TANGO6: variants seen among roughly 807,000 people sequenced by gnomAD.
The protein encoded by TANGO6 is transport and Golgi organization protein 6 homolog.
Under a neutral mutation model 114.2 loss-of-function variants are expected in TANGO6, and 90 were observed. The ratio of observed to expected loss-of-function variants is 0.79; its 90% CI spans 0.66 to 0.94. The LOEUF (loss-of-function observed/expected upper bound fraction) is 0.94. Ranked by LOEUF, TANGO6 falls within the 40% of genes least tolerant of loss-of-function variation. The probability of loss-of-function intolerance (pLI) is 0.00; values close to 1 mark genes in which losing one functional copy is unlikely to be tolerated. For missense variants in TANGO6, 1,274 were observed against 1,315.3 expected (o/e 0.97, Z 0.49); for synonymous variants, 477 against 509.8 (o/e 0.94, Z 0.87).
chr16:68,907,193 C>T (rs1371393420), intron 9 of TANGO6, among the ~76,000 whole-genome samples: 5 of 151,290 alleles, frequency 3.3e-5, no homozygotes, highest in East Asian at 3.9e-4. Flanking sequence ...ATTATCCTCC[C>T]GCCTTGGCCT....
chr16:68,983,756 G>C (rs1014044292), intron 15 of TANGO6, among the ~76,000 whole-genome samples: 1 of 152,094 alleles, frequency 6.6e-6, no homozygotes, highest in Non-Finnish European at 1.5e-5. Flanking sequence ...TTGTAGGGCC[G>C]GGCGCGGTGG....
chr16:69,004,276 A>G (rs1964070683), intron 15 of TANGO6, among the ~76,000 whole-genome samples: 1 of 152,192 alleles, frequency 6.6e-6, no homozygotes, highest in Non-Finnish European at 1.5e-5. Context: ...AATAGCTTTT[A>G]TCTTGAAACT....
chr16:69,044,677 CT>C (rs1317223521), intron 17 of TANGO6, among the ~76,000 whole-genome samples: 1 of 152,098 alleles, frequency 6.6e-6, no homozygotes, highest in East Asian at 1.9e-4. Context: ...TCTCTGCCTA[CT>C]TTTTAGGCTA....
chr16:68,978,612 G>A (rs1394591533), intron 15 of TANGO6, among the ~76,000 whole-genome samples: 1 of 152,076 alleles, frequency 6.6e-6, no homozygotes, highest in African/African-American at 2.4e-5. Context: ...TTCTAGTGTT[G>A]TGGAAATGCT....
chr16:69,049,303 T>G (rs1959909953), intron 17 of TANGO6, among the ~76,000 whole-genome samples: 2 of 152,164 alleles, frequency 1.3e-5, no homozygotes, highest in South Asian at 4.1e-4. Context: ...CACTATGGAT[T>G]TGCCTATTCT....
chr16:69,004,607 ACCTCCCTAAGTG>A (rs1964076353), intron 15 of TANGO6, among the ~76,000 whole-genome samples: 1 of 151,792 alleles, frequency 6.6e-6, no homozygotes, highest in Admixed American at 6.6e-5. Context: ...GCCCGCCTCA[ACCTCCCTAAGTG>A]CTAGGATTAC....
intron 9 of TANGO6, among the ~76,000 whole-genome samples, chr16:68,905,285 C>T (rs1424754779): frequency 6.6e-6 from 1 of 151,792 alleles, no homozygotes; most frequent in African/African-American, 2.4e-5. Context: ...CCTGTAATCA[C>T]AGCACTTTGG....
chr16:69,036,889 GGAGGT>G (rs1295721855), intron 16 of TANGO6, among the ~76,000 whole-genome samples: 6 of 152,070 alleles, frequency 3.9e-5, no homozygotes, highest in African/African-American at 1.4e-4. Context: ...CCAGAGCCTG[GGAGGT>G]GAAGGCTGCA....
intron 12 of TANGO6, among the ~76,000 whole-genome samples, chr16:68,923,749 A>G (rs1297613926): frequency 1.3e-5 from 2 of 152,244 alleles, no homozygotes; most frequent in Non-Finnish European, 2.9e-5. Flanking sequence ...AATGGAAGGA[A>G]GAAAGAATAA....
At chr16:69,027,510 G>A (rs1470864061) in intron 16 of TANGO6, among the ~76,000 whole-genome samples, 3 of 151,822 alleles carry the variant, frequency 2.0e-5, no homozygotes, top group Non-Finnish European at 4.4e-5. Context: ...TATGTGAACC[G>A]TTAGGCATCT....
intron 15 of TANGO6, among the ~76,000 whole-genome samples, chr16:68,982,630 C>CTTTTTTTTTTTTTT (rs562523656): frequency 2.5e-4 from 26 of 105,304 alleles, no homozygotes; most frequent in Non-Finnish European, 3.8e-4. Context: ...ATGCCCTGGC[C>CTTTTTTTTTTTTTT]TTTTTTTTTT....
In TANGO6 at chr16:68,919,133, G is replaced by A. The variant is rs764800360; in HGVS notation, c.2041G>A (p.Ala681Thr). 7 of 1,613,014 alleles carry A rather than the reference G, an allele frequency of 4.3e-6. No homozygotes were observed. In the Admixed American group the frequency reaches 1.0e-4, roughly 23 times the overall value. ...ATLQRACASLAHQAESTVESQ... is the reference protein window; with the variant it reads ...ATLQRACASLTHQAESTVESQ... ...ATTGCAGAGAGCCTGTGCAAGCCTG[G>A]CCCATCAGGCAGAGAGCACCGTGGA... The change falls in exon 12 of 18, where the codon GCC (alanine) becomes ACC (threonine). Residue 681 changes from alanine to threonine, a missense_variant. Ala to Thr is a moderately conservative substitution (Grantham distance 58). Around this residue, in one of 5 missense-constraint regions of TANGO6, gnomAD observed 908 missense variants for 910.2 expected, o/e 1.00. Transcript: ENST00000261778.
intron 1 of TANGO6, among the ~76,000 whole-genome samples, chr16:68,853,942 T>C (rs9888837): frequency 0.3 from 44,947 of 152,028 alleles, 7,849 homozygotes; most frequent in African/African-American, 0.51. Context: ...TTGAAGTATC[T>C]GAATAATTGT....
intron 17 of TANGO6, among the ~76,000 whole-genome samples, chr16:69,046,923 T>TC (rs1461321952): frequency 1.3e-5 from 2 of 152,066 alleles, no homozygotes; most frequent in Non-Finnish European, 2.9e-5. Flanking sequence ...ACGCCTGTAA[T>TC]CCCAGCACTT....
chr16:69,079,198 C>T (rs1263584844), intron 17 of TANGO6, among the ~76,000 whole-genome samples: 3 of 151,910 alleles, frequency 2.0e-5, no homozygotes, highest in African/African-American at 2.4e-5. Context: ...GGCATGGTGG[C>T]GCATGCCTGT....
chr16:68,980,409 C>CTCTATATA (rs1408626276), intron 15 of TANGO6, among the ~76,000 whole-genome samples: 2 of 67,992 alleles, frequency 2.9e-5, no homozygotes, highest in African/African-American at 1.3e-4. Flanking sequence ...CTCTCTCTCT[C>CTCTATATA]TATATATATA....
chr16:69,074,785 C>G (rs905422141), intron 17 of TANGO6, among the ~76,000 whole-genome samples: 2 of 148,382 alleles, frequency 1.3e-5, no homozygotes, highest in Non-Finnish European at 3.0e-5. Context: ...TGGAGTCACT[C>G]TGGTTCGAAT....
At chr16:69,023,010 G>A (rs371789473) in intron 16 of TANGO6, 31 bp downstream of exon 16, 47 of 1,531,964 alleles carry the variant, frequency 3.1e-5, no homozygotes, top group East Asian at 4.6e-5. Flanking sequence ...TCTCTAAAGC[G>A]TGTTTTCACT....
At chr16:68,890,737 T>G (rs935453382) in intron 7 of TANGO6, among the ~76,000 whole-genome samples, 1 of 150,328 alleles carries the variant, frequency 6.7e-6, no homozygotes, top group African/African-American at 2.5e-5. Context: ...ATGCAAAAAT[T>G]AGGCCAGGCG....
Sources: gnomAD v4.1 joint callset for allele counts (sites outside exome capture counted in the v4.1 genomes callset) on GRCh38, gnomAD v4.1.1 for gene constraint, gnomAD v4.1.1 regional missense constraint, MANE v1.5 for transcripts, NCBI Gene and HGNC (gene_info 2026-07-23, HGNC 2026-07-21) for gene names.